DDX31: variants seen among roughly 807,000 people sequenced by gnomAD.
The protein encoded by DDX31 is DEAD-box helicase 31.
In DDX31, 70 loss-of-function variants were observed where a neutral mutation model predicts 91.3. The ratio of observed to expected loss-of-function variants is 0.77; its 90% confidence interval spans 0.63 to 0.94. The LOEUF is 0.94. Among genes scored for constraint, DDX31 ranks in the 40% least tolerant of loss-of-function variants. The pLI is 0.00. For synonymous variants in DDX31, 362 were observed against 350.6 expected, an observed-to-expected ratio of 1.03 and a Z score of -0.36; for missense variants, 902 against 925.0, an observed-to-expected ratio of 0.98 and a Z score of 0.32.
At chr9:132,622,328 G>C (rs1392131130) in intron 17 of DDX31, among the ~76,000 whole-genome samples, 2 of 151,400 alleles carry the variant, frequency 1.3e-5, no homozygotes, top group Admixed American at 1.3e-4. Flanking sequence ...CAAGTCTCAG[G>C]AAGTCCTTGA....
At position 132,593,197 on chromosome 9, in the gene DDX31, T is replaced by A. The variant is rs1406186835; in HGVS notation, c.*1669A>T. 1 of 152,212 alleles carries A rather than the reference T, an allele frequency of 6.6e-6. No individual in the cohort carries two copies. Among genetic ancestry groups the A allele is most frequent in the African/African-American group, 2.4e-5 (1 of 41,438 alleles). The allele number at this position is 152,212 out of a possible 1,614,324, so 9.4% of individuals were successfully genotyped here. A position where few individuals can be genotyped will look rare whatever the true frequency, so the allele number is the denominator to read the frequency against. ...GTAAGTTTTGATCTTGGAATTATCG[T>A]CACTCACACGTTGCATGATTCTAGC... On this transcript the variant is annotated 3_prime_UTR_variant, in exon 20 of 20. Coordinates refer to ENST00000372159, the MANE Select transcript of DDX31 (RefSeq NM_022779.9).
intron 19 of DDX31, among the ~76,000 whole-genome samples, chr9:132,610,492 G>A (rs925576654): frequency 1.3e-5 from 2 of 152,148 alleles, no homozygotes; most frequent in African/African-American, 4.8e-5. Context: ...AGGCAACACT[G>A]TATCCATTCC....
chr9:132,606,290 T>C (rs1831018802), intron 19 of DDX31, among the ~76,000 whole-genome samples: 1 of 152,092 alleles, frequency 6.6e-6, no homozygotes, highest in Non-Finnish European at 1.5e-5. Flanking sequence ...ATTAGGGAGG[T>C]TGTAAATGCC....
At chr9:132,603,877 CTCTAA>C (rs1830859113) in intron 19 of DDX31, among the ~76,000 whole-genome samples, 1 of 152,148 alleles carries the variant, frequency 6.6e-6, no homozygotes, top group South Asian at 2.1e-4. Context: ...CTGTGAAATC[CTCTAA>C]TCGCCTCATT....
chr9:132,657,638 A>C (rs1834654666), intron 6 of DDX31, among the ~76,000 whole-genome samples: 1 of 152,232 alleles, frequency 6.6e-6, no homozygotes. Flanking sequence ...AATTCTGCAT[A>C]TCCAAACTGA....
At chr9:132,625,449 G>T (rs17479359) in intron 17 of DDX31, among the ~76,000 whole-genome samples, 1 of 151,612 alleles carries the variant, frequency 6.6e-6, no homozygotes, top group Non-Finnish European at 1.5e-5. Flanking sequence ...AGAATGGACC[G>T]TAGCCCACTC....
intron 19 of DDX31, among the ~76,000 whole-genome samples, chr9:132,611,446 T>G (rs1335278468): frequency 6.6e-6 from 1 of 152,138 alleles, no homozygotes; most frequent in African/African-American, 2.4e-5. Context: ...AAATGTAGCA[T>G]GCTGAGGGAA....
chr9:132,598,132 G>A (rs1239684907), intron 19 of DDX31, among the ~76,000 whole-genome samples: 2 of 152,130 alleles, frequency 1.3e-5, no homozygotes, highest in African/African-American at 4.8e-5. Context: ...CAACCCTGCA[G>A]GGGTTTCACC....
chr9:132,617,067 T>C (rs1205727103), intron 18 of DDX31, among the ~76,000 whole-genome samples: 1 of 152,152 alleles, frequency 6.6e-6, no homozygotes, highest in African/African-American at 2.4e-5. Context: ...GATCCCACAC[T>C]TCTGCTCCCC....
At chr9:132,619,260 CAT>C (rs1831844355) in intron 17 of DDX31, among the ~76,000 whole-genome samples, 1 of 152,196 alleles carries the variant, frequency 6.6e-6, no homozygotes, top group African/African-American at 2.4e-5. Flanking sequence ...GTAAAACAAA[CAT>C]GAGTGCTTTC....
chr9:132,669,565 C>A, intron 1 of DDX31: 2 of 1,461,688 alleles, frequency 1.4e-6, no homozygotes, highest in African/African-American at 1.4e-5. Flanking sequence ...AACTTCAGGT[C>A]CTACCTTCCA....
At chr9:132,600,840 T>C (rs1400046879) in intron 19 of DDX31, among the ~76,000 whole-genome samples, 1 of 152,168 alleles carries the variant, frequency 6.6e-6, no homozygotes, top group African/African-American at 2.4e-5. Context: ...GCTGATGACC[T>C]TGTAGAGTCA....
chr9:132,659,816 T>C, intron 4 of DDX31, 36 bp from the exon 5 acceptor site: 1 of 1,600,500 alleles, frequency 6.2e-7, no homozygotes, highest in Non-Finnish European at 8.5e-7. Flanking sequence ...ACTTTACCTA[T>C]ATTACCCAGT....
chr9:132,635,540 T>A (rs1015940733), intron 14 of DDX31, among the ~76,000 whole-genome samples: 1 of 149,436 alleles, frequency 6.7e-6, no homozygotes, highest in Non-Finnish European at 1.5e-5. Context: ...CTGGACGTCA[T>A]GATCTGCCCG....
intron 17 of DDX31, 31 bp from the exon 18 acceptor site, chr9:132,618,472 G>A: frequency 6.3e-7 from 1 of 1,581,964 alleles, no homozygotes; most frequent in Non-Finnish European, 8.6e-7. Context: ...TTAAAGGAGA[G>A]ATAGAGTCAA....
intron 1 of DDX31, among the ~76,000 whole-genome samples, chr9:132,663,920 T>G (rs950447892): frequency 3.9e-5 from 6 of 152,226 alleles, no homozygotes; most frequent in African/African-American, 4.8e-5. Flanking sequence ...TTGAATCATT[T>G]GCAAGACAGT....
chr9:132,642,308 A>C (rs1833554443), intron 13 of DDX31, among the ~76,000 whole-genome samples: 1 of 152,128 alleles, frequency 6.6e-6, no homozygotes, highest in Non-Finnish European at 1.5e-5. Flanking sequence ...GTGAGACACT[A>C]CCAGGGCAGG....
At chr9:132,607,878 CCA>C (rs1831108682) in intron 19 of DDX31, among the ~76,000 whole-genome samples, 1 of 152,118 alleles carries the variant, frequency 6.6e-6, no homozygotes, top group Non-Finnish European at 1.5e-5. Context: ...GAGCCATTTT[CCA>C]CAGAGTGGCA....
At position 132,645,956 on chromosome 9, in the gene DDX31, T is replaced by C. The variant is rs757325238; in HGVS notation, c.1319A>G (p.Gln440Arg). 31 of 1,613,818 alleles carry C rather than the reference T, an allele frequency of 1.9e-5. No individual in the cohort carries two copies. The highest frequency in any genetic ancestry group is 1.9e-5 in the Non-Finnish European group (23 of 1,179,936). ...LSSSGAPASG[Q>R]LPSASMRLKF... The stretch of plus-strand genomic sequence containing the variant: ...TAATCGCATGGAGGCAGATGGCAAC[T>C]GCCCTGATGCCGGCGCCCCTGAGCT... The change falls in exon 13 of 20, where the codon CAG becomes CGG. Residue 440 changes from glutamine (Q) to arginine (R), a missense_variant. Physicochemically the swap from Gln to Arg is conservative, Grantham distance 43. Transcript: ENST00000372159.
Sources: gnomAD v4.1 joint callset for allele counts (sites outside exome capture counted in the v4.1 genomes callset) on GRCh38, gnomAD v4.1.1 for gene constraint, MANE v1.5 for transcripts, NCBI Gene and HGNC (gene_info 2026-07-23, HGNC 2026-07-21) for gene names.